MOSMO: variants seen among roughly 807,000 people sequenced by gnomAD.
The protein encoded by MOSMO is modulator of smoothened, also known as modulator of smoothened protein.
Under a neutral mutation model 18.4 loss-of-function variants are expected in MOSMO, and 5 were observed. The ratio of observed to expected loss-of-function variants is 0.27; its 90% CI spans 0.14 to 0.57. MOSMO has a LOEUF of 0.57. MOSMO is among the 20% of genes least tolerant of loss of function. MOSMO has a pLI of 0.92. For synonymous variants in MOSMO, 82 were observed against 82.3 expected, an observed-to-expected ratio of 1.00 and a Z score of 0.02; for missense variants, 138 against 211.8, an observed-to-expected ratio of 0.65 and a Z score of 2.16.
At position 22,076,195 on chromosome 16, in the gene MOSMO, T is replaced by C. The variant is rs534603668; in HGVS notation, c.319+496T>C. 2.4e-4 allele frequency: 40 copies of C among 166,554 alleles called. No homozygotes were observed. The South Asian group carries it at 6.0e-3, about 25-fold the overall frequency. The allele number at this position is 166,554 out of a possible 1,614,324, so 10.3% of individuals were successfully genotyped here. A position where few individuals can be genotyped will look rare whatever the true frequency, so the allele number is the denominator to read the frequency against. On this transcript the variant is annotated intron_variant, in intron 2 of 2. Transcript: ENST00000542527. ...TTGTTTATCAATATTTCTTACTCCA[T>C]TAAGCTCTGCCCAAGGGTATAAGCT...
chr16:22,085,080 TA>T (rs558675798), downstream of MOSMO: 4 of 152,234 alleles, frequency 2.6e-5, no homozygotes, highest in Non-Finnish European at 5.9e-5. Context: ...TCTTAGCTTT[TA>T]AAATCTTAAA....
At chr16:22,028,094 TGTAAA>T (rs1304085324) in intron 1 of MOSMO, among the ~76,000 whole-genome samples, 2 of 152,198 alleles carry the variant, frequency 1.3e-5, no homozygotes, top group Admixed American at 6.5e-5. Flanking sequence ...ATCCAGAAGA[TGTAAA>T]GTATATAGGG....
intron 1 of MOSMO, among the ~76,000 whole-genome samples, chr16:22,022,581 C>A (rs771774527): frequency 1.6e-4 from 25 of 152,108 alleles, no homozygotes; most frequent in Non-Finnish European, 8.8e-5. Context: ...AATCTGTAGT[C>A]CTAGGGTAGA....
intron 1 of MOSMO, among the ~76,000 whole-genome samples, chr16:22,027,776 T>C (rs1348078586): frequency 1.3e-5 from 2 of 152,180 alleles, no homozygotes; most frequent in Admixed American, 1.3e-4. Context: ...CCTACTCTAC[T>C]TGTGCAGTGA....
intron 1 of MOSMO, among the ~76,000 whole-genome samples, chr16:22,074,133 C>T (rs1900915857): frequency 6.6e-6 from 1 of 152,226 alleles, no homozygotes; most frequent in Admixed American, 6.5e-5. Flanking sequence ...CACACAAGTC[C>T]AGCCCTGCTC....
chr16:22,009,804 C>CAAAAAAAAAAAAA lies in MOSMO; in HGVS notation c.106+1418_106+1430dup, dbSNP rs56313303. Among the ~76,000 whole-genome samples the CAAAAAAAAAAAAA allele has an allele frequency of 1.6e-3, 57 of 35,972 alleles. 1 individual carries two copies. Among genetic ancestry groups the CAAAAAAAAAAAAA allele is most frequent in the East Asian group, 2.5e-3 (2 of 792 alleles). 23.6% of individuals were successfully genotyped at this position (35,972 alleles called of 152,430 possible). On this transcript the variant is annotated intron_variant, in intron 1 of 2. Coordinates refer to ENST00000542527, the MANE Select transcript of MOSMO (RefSeq NM_001164579.2). ...CGAAACCCCGTCTCTACTAAAAATACAAAAAAAAAAAAAAAAAAAAAAAAA... is the reference window on the plus strand; with the variant it reads ...CGAAACCCCGTCTCTACTAAAAATACAAAAAAAAAAAAAAAAAAAAAAAAAAAAAAAAAAAAAA...
intron 1 of MOSMO, among the ~76,000 whole-genome samples, chr16:22,043,526 C>A (rs1398944006): frequency 6.6e-6 from 1 of 152,062 alleles, no homozygotes; most frequent in East Asian, 1.9e-4. Flanking sequence ...AGCCATTTTG[C>A]TAGGTATCCC....
chr16:22,017,017 A>C (rs1899652312), intron 1 of MOSMO, among the ~76,000 whole-genome samples: 1 of 152,190 alleles, frequency 6.6e-6, no homozygotes, highest in Non-Finnish European at 1.5e-5. Flanking sequence ...CTTTATAGAA[A>C]CCTGGCAAGC....
chr16:22,044,650 A>G (rs1252161576), intron 1 of MOSMO, among the ~76,000 whole-genome samples: 1 of 152,178 alleles, frequency 6.6e-6, no homozygotes, highest in Admixed American at 6.5e-5. Context: ...GGGATACTCA[A>G]CCTGTACTAC....
chr16:22,071,870 AAGTGTGC>A (rs1431268755), intron 1 of MOSMO, among the ~76,000 whole-genome samples: 1 of 152,226 alleles, frequency 6.6e-6, no homozygotes, highest in Non-Finnish European at 1.5e-5. Context: ...TGTATTTAAT[AAGTGTGC>A]AGAAACCACA....
chr16:22,029,051 T>A (rs1899940363), intron 1 of MOSMO, among the ~76,000 whole-genome samples: 1 of 152,130 alleles, frequency 6.6e-6, no homozygotes, highest in African/African-American at 2.4e-5. Context: ...TTTGTGTTTT[T>A]AGTAGAGACG....
At chr16:22,066,329 A>G (rs888104718) in intron 1 of MOSMO, among the ~76,000 whole-genome samples, 13 of 152,210 alleles carry the variant, frequency 8.5e-5, no homozygotes, top group Admixed American at 8.5e-4. Context: ...GTATTGGGGT[A>G]ACAAAAGACT....
chr16:22,022,534 T>C (rs923997837), intron 1 of MOSMO, among the ~76,000 whole-genome samples: 3 of 152,206 alleles, frequency 2.0e-5, no homozygotes, highest in African/African-American at 7.2e-5. Flanking sequence ...TCAACCTTCC[T>C]ACACTAGCCA....
chr16:22,040,071 T>C (rs1277995907), intron 1 of MOSMO, among the ~76,000 whole-genome samples: 2 of 152,218 alleles, frequency 1.3e-5, no homozygotes, highest in Non-Finnish European at 2.9e-5. Context: ...GTAGAGAAAC[T>C]AGTTAAGAAA....
At chr16:22,022,780 A>G (rs1466859926) in intron 1 of MOSMO, among the ~76,000 whole-genome samples, 1 of 152,186 alleles carries the variant, frequency 6.6e-6, no homozygotes, top group Non-Finnish European at 1.5e-5. Flanking sequence ...TTTGTGCTAT[A>G]TGAAGATACA....
intron 1 of MOSMO, among the ~76,000 whole-genome samples, chr16:22,061,726 T>G (rs1598019223): frequency 6.6e-6 from 1 of 152,224 alleles, no homozygotes; most frequent in East Asian, 1.9e-4. Context: ...CTTCTCAAGA[T>G]CATGAGAAAC....
At chr16:22,066,226 T>C (rs1900744593) in intron 1 of MOSMO, among the ~76,000 whole-genome samples, 2 of 150,616 alleles carry the variant, frequency 1.3e-5, no homozygotes, top group Admixed American at 6.7e-5. Context: ...TTAGGGCTTA[T>C]CTTTGTTTGA....
chr16:22,034,099 C>T lies in MOSMO; in HGVS notation c.106+25692C>T, dbSNP rs188442360. Among the ~76,000 whole-genome samples, 104 of 152,336 alleles carry T rather than the reference C, an allele frequency of 6.8e-4. 1 individual carries two copies. Among genetic ancestry groups the T allele is most frequent in the Non-Finnish European group, 1.1e-3 (74 of 68,034 alleles). On this transcript the variant is annotated intron_variant, in intron 1 of 2. Transcript: ENST00000542527. ...AAGTTCACTTTCAAATGACACTATA[C>T]CACTTAACAAGTAGTACAATTACTT...
chr16:22,036,352 C>T (rs968990565), intron 1 of MOSMO, among the ~76,000 whole-genome samples: 1 of 152,168 alleles, frequency 6.6e-6, no homozygotes. Context: ...TCACAAACTC[C>T]TGGGCTCAGG....
Sources: allele counts gnomAD v4.1 joint callset (sites outside exome capture counted in the v4.1 genomes callset), GRCh38; gene constraint gnomAD v4.1.1; transcripts MANE v1.5; gene names NCBI Gene and HGNC (gene_info 2026-07-23, HGNC 2026-07-21).